Variants in VRK2 observed in about 807,000 individuals in gnomAD.
VRK2 encodes the protein serine/threonine-protein kinase VRK2.
A neutral mutation model predicts 57.6 loss-of-function variants in VRK2; 60 were observed. The ratio of observed to expected loss-of-function variants is 1.04; its 90% CI spans 0.85 to 1.29. VRK2 has a LOEUF of 1.29. VRK2 is among the 50% of genes most tolerant of loss of function. VRK2 has a pLI of 0.00. For missense variants in VRK2, 705 were observed against 588.1 expected (o/e 1.20, Z -2.06); for synonymous variants, 231 against 199.2 (o/e 1.16, Z -1.35).
In VRK2 at chr2:58,156,328, G is replaced by A. The variant is rs200035542; in HGVS notation, c.1183-3021G>A. Among the ~76,000 whole-genome samples, 22 of 151,824 alleles carry A rather than the reference G, an allele frequency of 1.4e-4. No individual in the cohort carries two copies. The East Asian group carries it at 3.9e-3, about 27-fold the overall frequency. On this transcript the variant is annotated intron_variant, in intron 12 of 12. Coordinates refer to ENST00000340157, the MANE Select transcript of VRK2 (RefSeq NM_006296.7). Reference sequence around the variant, plus strand: ...AGATTTGCTTGTTATTTTTGGTTTTGTAAGGATGGCTGTCTTTTGTTTATT... The same window carrying A: ...AGATTTGCTTGTTATTTTTGGTTTTATAAGGATGGCTGTCTTTTGTTTATT...
At chr2:58,034,488 A>G (rs17049312) in intron 3 of VRK2, among the ~76,000 whole-genome samples, 13,429 of 151,988 alleles carry the variant, frequency 0.088, 639 homozygotes, top group East Asian at 0.11. Context: ...ATAGAATCCT[A>G]TAGTTTTTCT....
chr2:57,964,720 T>C (rs1671860548), intron 1 of VRK2, among the ~76,000 whole-genome samples: 1 of 151,898 alleles, frequency 6.6e-6, no homozygotes, highest in East Asian at 1.9e-4. Context: ...ACCCAGTCTC[T>C]ACTAAAAATA....
Position 58,139,846 on chromosome 2 carries a change from TC to T in VRK2, c.1023+17del. The T allele has an allele frequency of 6.3e-7, 1 of 1,593,412 alleles. No individual in the cohort carries two copies. The highest frequency in any genetic ancestry group is 8.6e-7 in the Non-Finnish European group (1 of 1,168,950). On this transcript the variant is annotated intron_variant, in intron 11 of 12. Coordinates refer to ENST00000340157, the MANE Select transcript of VRK2 (RefSeq NM_006296.7). ...AACAGTCAAAAAGTAAGTAACATAA[TC>T]CCTGCTATCCTATGATTACCTTCTA...
intron 2 of VRK2, among the ~76,000 whole-genome samples, chr2:58,063,948 C>T (rs1668260328): frequency 1.3e-5 from 2 of 152,086 alleles, no homozygotes; most frequent in East Asian, 3.9e-4. Context: ...TTGCGGGGTT[C>T]AAGCCTTCAG....
intron 1 of VRK2, among the ~76,000 whole-genome samples, chr2:57,911,475 C>T (rs1486158342): frequency 6.6e-6 from 1 of 152,148 alleles, no homozygotes; most frequent in African/African-American, 2.4e-5. Context: ...CCAGCTCTGA[C>T]CAACCCACAC....
chr2:58,144,419 C>T (rs948835998), intron 11 of VRK2, among the ~76,000 whole-genome samples: 12 of 151,912 alleles, frequency 7.9e-5, no homozygotes, highest in Admixed American at 7.2e-4. Flanking sequence ...TGGTGACTAA[C>T]GTGAGGTGAT....
chr2:57,974,311 A>G (rs1672181717), intron 1 of VRK2, among the ~76,000 whole-genome samples: 1 of 151,966 alleles, frequency 6.6e-6, no homozygotes. Flanking sequence ...ACAATTAAAC[A>G]AGATTTAATT....
intron 2 of VRK2, among the ~76,000 whole-genome samples, chr2:58,082,928 T>C (rs2104131554): frequency 6.6e-6 from 1 of 151,898 alleles, no homozygotes; most frequent in East Asian, 1.9e-4. Flanking sequence ...TTATATATTT[T>C]AATAAAATTT....
At chr2:58,006,913 C>A (rs1572770950) in intron 1 of VRK2, among the ~76,000 whole-genome samples, 1 of 152,092 alleles carries the variant, frequency 6.6e-6, no homozygotes, top group Non-Finnish European at 1.5e-5. Flanking sequence ...AATTCCTAGA[C>A]AAGCCAGTTT....
chr2:57,921,731 T>G (rs866023800), intron 1 of VRK2, among the ~76,000 whole-genome samples: 2 of 152,134 alleles, frequency 1.3e-5, no homozygotes, highest in South Asian at 4.1e-4. Context: ...ACATTTTTTT[T>G]GTTAGGATTC....
chr2:58,034,370 T>C (rs1674209160), intron 3 of VRK2, among the ~76,000 whole-genome samples: 1 of 152,004 alleles, frequency 6.6e-6, no homozygotes, highest in South Asian at 2.1e-4. Flanking sequence ...GTTTGCCCGC[T>C]ACCGATTCCT....
At chr2:58,083,533 T>G (rs1671190991) in intron 2 of VRK2, among the ~76,000 whole-genome samples, 1 of 151,844 alleles carries the variant, frequency 6.6e-6, no homozygotes, top group Non-Finnish European at 1.5e-5. Context: ...AGTAATTGAT[T>G]AGCAGGTTCA....
At chr2:58,107,877 G>A (rs547751361) in intron 7 of VRK2, among the ~76,000 whole-genome samples, 2 of 152,054 alleles carry the variant, frequency 1.3e-5, no homozygotes, top group African/African-American at 2.4e-5. Flanking sequence ...TATCAACGTC[G>A]TATCAAGCAT....
Position 58,153,019 on chromosome 2 carries a change from G to A in VRK2, c.1183-6330G>A, listed in dbSNP as rs186428571. Among the ~76,000 whole-genome samples, 9 of 151,946 alleles carry A rather than the reference G, an allele frequency of 5.9e-5. No individual in the cohort carries two copies. In the East Asian group the frequency reaches 1.5e-3, roughly 26 times the overall value. On this transcript the variant is annotated intron_variant, in intron 12 of 12. Coordinates refer to ENST00000340157, the MANE Select transcript of VRK2 (RefSeq NM_006296.7). ...ACCACCACAATTATCCTGCAGACCT[G>A]TTCCATGACCACGTAGGAATTGCTC... is the stretch of plus-strand genomic sequence containing the variant.
At chr2:57,993,304 G>GA (rs1311098557) in intron 1 of VRK2, among the ~76,000 whole-genome samples, 5 of 152,072 alleles carry the variant, frequency 3.3e-5, no homozygotes, top group Non-Finnish European at 5.9e-5. Flanking sequence ...CATCATAAAA[G>GA]TAAAAGGAAG....
At chr2:57,999,244 T>C (rs1036920131) in intron 1 of VRK2, among the ~76,000 whole-genome samples, 8 of 152,206 alleles carry the variant, frequency 5.3e-5, no homozygotes, top group Admixed American at 4.6e-4. Flanking sequence ...TTTCAGGCCA[T>C]ATAATGCACT....
rs1405909306 is a variant in VRK2, at chr2:58,014,208, T to TA, written c.-438-11456dup. On this transcript the variant is annotated intron_variant, in intron 1 of 15. Transcript: ENST00000417641. ...ATATTATATTGTAATCTGCTCTAGG[T>TA]AGTCTGCCGTGCTATATTCCTAAGG... Among the ~76,000 whole-genome samples, 3 of 152,190 alleles carry TA rather than the reference T, an allele frequency of 2.0e-5. No individual in the cohort carries two copies. The South Asian group carries it at 6.2e-4, about 31-fold the overall frequency.
intron 1 of VRK2, among the ~76,000 whole-genome samples, chr2:57,929,698 C>T (rs984214263): frequency 2.6e-5 from 4 of 152,014 alleles, no homozygotes; most frequent in Non-Finnish European, 5.9e-5. Context: ...TCTCTGAGTC[C>T]TACTCAAGGC....
chr2:58,013,256 CTT>C (rs952128356), intron 1 of VRK2, among the ~76,000 whole-genome samples: 2 of 152,116 alleles, frequency 1.3e-5, no homozygotes, highest in African/African-American at 4.8e-5. Context: ...CAGTACATAA[CTT>C]GTATGCATTT....
Sources: gnomAD v4.1 joint callset for allele counts (sites outside exome capture counted in the v4.1 genomes callset) on GRCh38, gnomAD v4.1.1 for gene constraint, MANE v1.5 for transcripts, NCBI Gene and HGNC (gene_info 2026-07-23, HGNC 2026-07-21) for gene names.